The following DNLZ variants were observed in gnomAD, a reference collection of about 807,000 sequenced individuals.
The protein encoded by DNLZ is DNL-type zinc finger protein.
DNLZ carries 15 observed loss-of-function variants against 7.8 expected under a neutral mutation model. That is an observed-to-expected ratio of 1.91 (90% CI 1.28 to 2.95). The LOEUF (loss-of-function observed/expected upper bound fraction) is 2.95, where lower values mean the gene tolerates loss of function less well. Ranked by LOEUF, DNLZ falls within the 30% of genes most tolerant of loss-of-function variation. The pLI is 0.00. For missense variants in DNLZ, 255 were observed against 167.3 expected, an observed-to-expected ratio of 1.52 and a Z score of -2.89; for synonymous variants, 123 against 77.8, an observed-to-expected ratio of 1.58 and a Z score of -3.05.
intron 1 of DNLZ, 82 bp from the exon 2 acceptor site, chr9:136,363,210 C>T: frequency 6.5e-7 from 1 of 1,530,236 alleles, no homozygotes. Context: ...GGGGTAGCTC[C>T]AGCCACCTCA....
At position 136,362,059 on chromosome 9, in the gene DNLZ, C is replaced by T. The variant is rs142748460; in HGVS notation, c.490G>A (p.Gly164Ser). The change falls in exon 3 of 3, where the codon GGT becomes AGT. Residue 164 changes from glycine (G) to serine (S), a missense_variant. Transcript: ENST00000371738. ...GGGCTGGGGGGACCCTCATCCTCAC[C>T]CGCTTCCGGAGCTGCAGTGGATGTG... ...APTSTAAPEA[G>S]EDEGPPSPGK... The T allele has an allele frequency of 1.9e-5, 27 of 1,421,208 alleles. No homozygotes were observed. The highest frequency in any genetic ancestry group is 1.0e-4 in the African/African-American group (7 of 67,108). The allele number at this position is 1,421,208 out of a possible 1,614,324, so 88.0% of individuals were successfully genotyped here. A position where few individuals can be genotyped will look rare whatever the true frequency, so the allele number is the denominator to read the frequency against.
In DNLZ at chr9:136,362,066, C is replaced by T. The variant is rs746206013; in HGVS notation, c.483G>A (p.Pro161=). 3.8e-5 allele frequency: 55 copies of T among 1,430,762 alleles called. No homozygotes were observed. The highest frequency in any genetic ancestry group is 9.0e-5 in the South Asian group (6 of 66,684). The allele number at this position is 1,430,762 out of a possible 1,614,324, so 88.6% of individuals were successfully genotyped here. A position where few individuals can be genotyped will look rare whatever the true frequency, so the allele number is the denominator to read the frequency against. ...GGGGACCCTCATCCTCACCCGCTTCCGGAGCTGCAGTGGATGTGGGGGCCC... is the reference window on the plus strand; with the variant it reads ...GGGGACCCTCATCCTCACCCGCTTCTGGAGCTGCAGTGGATGTGGGGGCCC... ...AAGAPTSTAA[P]EAGEDEGPPS... is the part of the protein sequence containing the mutation. The change falls in exon 3 of 3, where the codon CCG becomes CCA. Residue 161 remains proline, a synonymous_variant. Coordinates refer to ENST00000371738, the MANE Select transcript of DNLZ (RefSeq NM_001080849.3).
Position 136,363,112 on chromosome 9 carries a change from G to T in DNLZ, c.245C>A (p.Ser82Tyr), listed in dbSNP as rs1481514075. The change falls in exon 2 of 3, where the codon TCC (serine) becomes TAC (tyrosine). Residue 82 changes from serine to tyrosine, a missense_variant. Coordinates refer to ENST00000371738, the MANE Select transcript of DNLZ (RefSeq NM_001080849.3). ...VYTCKVCGTR[S>Y]SKRISKLAYH... Reference sequence around the variant, plus strand: ...GGCCAGCTTGGAGATGCGCTTGGAGGACCTAGTCCCGCAGACCTGGCTGGG... The same window carrying T: ...GGCCAGCTTGGAGATGCGCTTGGAGTACCTAGTCCCGCAGACCTGGCTGGG... 2 of 1,613,404 alleles carry T rather than the reference G, an allele frequency of 1.2e-6. No individual in the cohort carries two copies. The highest frequency in any genetic ancestry group is 1.7e-5 in the Admixed American group (1 of 60,016).
rs538330973 is a variant in DNLZ at position 136,362,225 on chromosome 9, G to T, written c.369-45C>A. 7.0e-6 allele frequency: 10 copies of T among 1,436,280 alleles called. No homozygotes were observed. The South Asian group carries it at 1.3e-4, about 19-fold the overall frequency. The allele number at this position is 1,436,280 out of a possible 1,614,324, so 89.0% of individuals were successfully genotyped here. The stretch of plus-strand genomic sequence containing the variant: ...CATGGCTCTTCAGGGCCCCCCAGCC[G>T]CCCTGCACTTCAGTCCCCTCAGGGC... On this transcript the variant is annotated intron_variant, in intron 2 of 2. Coordinates refer to ENST00000371738, the MANE Select transcript of DNLZ (RefSeq NM_001080849.3).
At position 136,363,562 on chromosome 9, in the gene DNLZ, G is replaced by A. The variant is rs772565991; in HGVS notation, c.153C>T (p.Ser51=). 8.3e-5 allele frequency: 57 copies of A among 688,172 alleles called. 1 individual carries two copies. Among genetic ancestry groups the A allele is most frequent in the Admixed American group, 8.0e-4 (39 of 48,790 alleles). 42.6% of individuals were successfully genotyped at this position (688,172 alleles called of 1,614,324 possible). A position where few individuals can be genotyped will look rare whatever the true frequency, so the allele number is the denominator to read the frequency against. The change falls in exon 1 of 3, where the codon TCC becomes TCT. Residue 51 remains serine (S), a synonymous_variant. Coordinates refer to ENST00000371738, the MANE Select transcript of DNLZ (RefSeq NM_001080849.3). ...CCGCCGCGGGCCCCGGCCCCTGCTC[G>A]GAGCTTGAGCGCCGCCAGCCCCAGG... ...AWAWGWRRSS[S]EQGPGPAAAL...
chr9:136,362,885 C>T (rs1474184379), intron 2 of DNLZ, 104 bp downstream of exon 2: 2 of 1,051,772 alleles, frequency 1.9e-6, no homozygotes, highest in African/African-American at 1.6e-5. Flanking sequence ...GGCTGGATTT[C>T]CCAGGTGAGA....
intron 1 of DNLZ, 94 bp from the exon 2 acceptor site, chr9:136,363,222 C>A (rs1833016302): frequency 1.7e-5 from 25 of 1,486,104 alleles, no homozygotes; most frequent in Non-Finnish European, 2.2e-5. Context: ...GCCACCTCAC[C>A]CTCTCCAGAG....
At chr9:136,362,551 G>A (rs1056971087) in intron 2 of DNLZ, among the ~76,000 whole-genome samples, 1 of 152,202 alleles carries the variant, frequency 6.6e-6, no homozygotes, top group African/African-American at 2.4e-5. Flanking sequence ...CTCCCGGCCA[G>A]GCAAGGCCCG....
Position 136,360,621 on chromosome 9 carries a change from G to A in DNLZ, c.*1391C>T, listed in dbSNP as rs11145958. 0.037 allele frequency: 5,616 copies of A among 152,146 alleles called. 139 individuals are homozygous for A. Among genetic ancestry groups the A allele is most frequent in the East Asian group, 0.13 (656 of 5,164 alleles). The allele number at this position is 152,146 out of a possible 1,614,324, so 9.4% of individuals were successfully genotyped here. On this transcript the variant is annotated 3_prime_UTR_variant, in exon 3 of 3. Transcript: ENST00000371738. ...AGCTGGCGGGATGCTTCTGGCACGC[G>A]GGGGGTAGCCATAGGTCTTCTCTAG...
chr9:136,363,627 C>A lies in DNLZ; in HGVS notation c.88G>T (p.Gly30Trp). 1 of 463,730 alleles carries A rather than the reference C, an allele frequency of 2.2e-6. No homozygotes were observed. Among genetic ancestry groups the A allele is most frequent in the Non-Finnish European group, 3.8e-6 (1 of 265,086 alleles). The allele number at this position is 463,730 out of a possible 1,614,324, so 28.7% of individuals were successfully genotyped here. The change falls in exon 1 of 3, where the codon GGG becomes TGG. Residue 30 changes from glycine to tryptophan, a missense_variant. By Grantham distance (184) the Gly-to-Trp change is radical. Transcript: ENST00000371738. ...CTCCCCGCGACCTCTGGACGGGCCC[C>A]GCGGCCCCACAGCCGCCTCAGGCAG... ...APCLRRLWGR[G>W]ARPEVAGRRR... is the part of the protein sequence containing the mutation.
chr9:136,359,596 A>G lies in DNLZ; in HGVS notation c.*2416T>C, dbSNP rs1231201430. 6.6e-6 allele frequency: 1 copy of G among 152,390 alleles called. No individual in the cohort carries two copies. Among genetic ancestry groups the G allele is most frequent in the Admixed American group, 6.5e-5 (1 of 15,290 alleles). The allele number at this position is 152,390 out of a possible 1,614,324, so 9.4% of individuals were successfully genotyped here. Reference sequence around the variant, plus strand: ...TTTTCCTGAAAAATAAAGTCGGCCAAGTGAGTGTGGTCCGTATGGGCTTAG... The same window carrying G: ...TTTTCCTGAAAAATAAAGTCGGCCAGGTGAGTGTGGTCCGTATGGGCTTAG... On this transcript the variant is annotated 3_prime_UTR_variant, in exon 3 of 3. Coordinates refer to ENST00000371738, the MANE Select transcript of DNLZ (RefSeq NM_001080849.3).
rs555972525 is a variant in DNLZ, at chr9:136,362,058, C to T, written c.491G>A (p.Gly164Asp). ...APTSTAAPEA[G>D]EDEGPPSPGK... The stretch of plus-strand genomic sequence containing the variant: ...AGGGCTGGGGGGACCCTCATCCTCA[C>T]CCGCTTCCGGAGCTGCAGTGGATGT... Residue 164 changes from glycine (G) to aspartate (D), a missense_variant, in exon 3 of 3, where the codon GGT (glycine) becomes GAT (aspartate). Transcript: ENST00000371738. 5.6e-6 allele frequency: 8 copies of T among 1,420,042 alleles called. No individual in the cohort carries two copies. The highest frequency in any genetic ancestry group is 1.5e-5 in the South Asian group (1 of 64,632). 88.0% of individuals were successfully genotyped at this position (1,420,042 alleles called of 1,614,324 possible). A position where few individuals can be genotyped will look rare whatever the true frequency, so the allele number is the denominator to read the frequency against.
At chr9:136,362,880 G>A (rs1833006878) in intron 2 of DNLZ, 109 bp downstream of exon 2, 2 of 991,454 alleles carry the variant, frequency 2.0e-6, no homozygotes, top group African/African-American at 1.6e-5. Flanking sequence ...AAGGTGGCTG[G>A]ATTTCCCAGG....
rs767709019 is a variant in DNLZ at position 136,363,139 on chromosome 9, C to G, written c.229-11G>C. 6.2e-7 allele frequency: 1 copy of G among 1,612,718 alleles called. No homozygotes were observed. The highest frequency in any genetic ancestry group is 1.1e-5 in the South Asian group (1 of 91,072). On this transcript the variant is annotated splice_polypyrimidine_tract_variant and intron_variant, in intron 1 of 2. Coordinates refer to ENST00000371738, the MANE Select transcript of DNLZ (RefSeq NM_001080849.3). ...CCTAGTCCCGCAGACCTGGCTGGGACAGGGTAGCTGGTGAGGCTGTGAGGG... is the reference window on the plus strand; with the variant it reads ...CCTAGTCCCGCAGACCTGGCTGGGAGAGGGTAGCTGGTGAGGCTGTGAGGG...
rs1006956551 is a variant in DNLZ, at chr9:136,361,839, G to A, written c.*173C>T. The stretch of plus-strand genomic sequence containing the variant: ...CTATGTCCCACCCAGCAGCACCAGG[G>A]ATTCAGAGCAATCGTTCTAACTCCA... On this transcript the variant is annotated 3_prime_UTR_variant, in exon 3 of 3. Transcript: ENST00000371738. 2.6e-5 allele frequency: 12 copies of A among 454,820 alleles called. No individual in the cohort carries two copies. The highest frequency in any genetic ancestry group is 5.7e-4 in the Middle Eastern group (1 of 1,746). The allele number at this position is 454,820 out of a possible 1,614,324, so 28.2% of individuals were successfully genotyped here.
rs1012840035 is a variant in DNLZ at position 136,360,311 on chromosome 9, A to G, written c.*1701T>C. On this transcript the variant is annotated 3_prime_UTR_variant, in exon 3 of 3. Transcript: ENST00000371738. ...GCACACAGGGTCCAAGTAACCGTGC[A>G]GGGCCCAGGACCGCGCACAGCCAGG... 2.1e-4 allele frequency: 32 copies of G among 152,256 alleles called. No homozygotes were observed. The highest frequency in any genetic ancestry group is 7.7e-4 in the African/African-American group (32 of 41,454). The allele number at this position is 152,256 out of a possible 1,614,324, so 9.4% of individuals were successfully genotyped here. A position where few individuals can be genotyped will look rare whatever the true frequency, so the allele number is the denominator to read the frequency against.
Position 136,362,173 on chromosome 9 carries a change from C to G in DNLZ, c.376G>C (p.Glu126Gln), listed in dbSNP as rs528240063. ...TCGCCTCTGGCCGTCAGGATCTCTT[C>G]GATATTTCTGGGGGGCAGGGAGGCA... ...FSDLNGKRNI[E>Q]EILTARGEQV... is the part of the protein sequence containing the mutation. Residue 126 changes from glutamate to glutamine, a missense_variant, in exon 3 of 3, where the codon GAA becomes CAA. Physicochemically the swap from Glu to Gln is conservative, Grantham distance 29. Transcript: ENST00000371738. 1 of 1,491,076 alleles carries G rather than the reference C, an allele frequency of 6.7e-7. No individual in the cohort carries two copies. Among genetic ancestry groups the G allele is most frequent in the Non-Finnish European group, 8.9e-7 (1 of 1,124,948 alleles). The allele number at this position is 1,491,076 out of a possible 1,614,324, so 92.4% of individuals were successfully genotyped here.
chr9:136,360,466 CCTGGGGCGGGGGGGTGTA>C lies in DNLZ; in HGVS notation c.*1528_*1545del, dbSNP rs1832962602. 1 of 136,960 alleles carries C rather than the reference CCTGGGGCGGGGGGGTGTA, an allele frequency of 7.3e-6. No individual in the cohort carries two copies. The allele number at this position is 136,960 out of a possible 1,614,324, so 8.5% of individuals were successfully genotyped here. ...AACCGTGCCCGGGAGGCAGGGATGT[CCTGGGGCGGGGGGGTGTA>C]GAGTGGCAGGAGATTAGGATGGCAA... On this transcript the variant is annotated 3_prime_UTR_variant, in exon 3 of 3. Transcript: ENST00000371738.
rs375574069 is a variant in DNLZ, at chr9:136,363,174, C to T, written c.229-46G>A. ...GGTGAGGCTGTGAGGGCCGCCACGCCCCTCCCGGGAAGACCCGCCCCTCTA... is the reference window on the plus strand; with the variant it reads ...GGTGAGGCTGTGAGGGCCGCCACGCTCCTCCCGGGAAGACCCGCCCCTCTA... On this transcript the variant is annotated intron_variant, in intron 1 of 2. Coordinates refer to ENST00000371738, the MANE Select transcript of DNLZ (RefSeq NM_001080849.3). 1.3e-4 allele frequency: 216 copies of T among 1,605,346 alleles called. 1 individual carries two copies. Among genetic ancestry groups the T allele is most frequent in the Middle Eastern group, 5.3e-4 (3 of 5,626 alleles).
Sources: gnomAD v4.1 joint callset for allele counts (sites outside exome capture counted in the v4.1 genomes callset) on GRCh38, gnomAD v4.1.1 for gene constraint, MANE v1.5 for transcripts, NCBI Gene and HGNC (gene_info 2026-07-23, HGNC 2026-07-21) for gene names.